SBNO1: variants seen among roughly 807,000 people sequenced by gnomAD.
SBNO1 encodes the protein strawberry notch homolog 1.
A neutral mutation model predicts 173.6 loss-of-function variants in SBNO1; 23 were observed. The observed-to-expected ratio is 0.13, with a 90% CI of 0.10 to 0.19. SBNO1 has a LOEUF of 0.19. Among genes scored for constraint, SBNO1 ranks in the 10% least tolerant of loss-of-function variants. SBNO1 has a pLI of 1.00. For synonymous variants in SBNO1, 632 were observed against 571.5 expected, an observed-to-expected ratio of 1.11 and a Z score of -1.51; for missense variants, 1,238 against 1,671.2, an observed-to-expected ratio of 0.74 and a Z score of 4.52.
chr12:123,363,204 G>A (rs1326435467), intron 1 of SBNO1, among the ~76,000 whole-genome samples: 1 of 152,078 alleles, frequency 6.6e-6, no homozygotes, highest in Non-Finnish European at 1.5e-5. Flanking sequence ...GAAAAATTTT[G>A]GAAACAACTT....
At chr12:123,311,712 CTATCTATCTA>C (rs548286566) in intron 24 of SBNO1, among the ~76,000 whole-genome samples, 3,779 of 68,690 alleles carry the variant, frequency 0.055, 59 homozygotes, top group South Asian at 0.086. Flanking sequence ...ATCTATCTAT[CTATCTATCTA>C]TATATATATA....
At chr12:123,332,341 G>C (rs2139008091) in intron 7 of SBNO1, among the ~76,000 whole-genome samples, 1 of 151,864 alleles carries the variant, frequency 6.6e-6, no homozygotes, top group African/African-American at 2.4e-5. Context: ...GCCCAGGCTA[G>C]AGTGCAATGG....
At chr12:123,314,669 G>C (rs1007423162) in intron 23 of SBNO1, among the ~76,000 whole-genome samples, 15 of 148,642 alleles carry the variant, frequency 1.0e-4, no homozygotes, top group African/African-American at 3.0e-4. Context: ...ACAGAGTCTT[G>C]CCCTATTGCC....
At chr12:123,325,071 A>G (rs1353326420) in intron 15 of SBNO1, among the ~76,000 whole-genome samples, 1 of 152,168 alleles carries the variant, frequency 6.6e-6, no homozygotes, top group Non-Finnish European at 1.5e-5. Context: ...TTGGCCTCCC[A>G]AAGTGCTGAG....
chr12:123,337,068 G>A (rs571979546), intron 5 of SBNO1, among the ~76,000 whole-genome samples: 2 of 152,268 alleles, frequency 1.3e-5, no homozygotes, highest in African/African-American at 4.8e-5. Flanking sequence ...ATGAAGAACA[G>A]AAAAATTTAC....
At chr12:123,348,505 G>A (rs765568834) in intron 2 of SBNO1, among the ~76,000 whole-genome samples, 14 of 152,214 alleles carry the variant, frequency 9.2e-5, no homozygotes, top group African/African-American at 1.2e-4. Context: ...AGTGGCTCAC[G>A]CCTGTAATCC....
At chr12:123,331,208 G>A in intron 8 of SBNO1, 34 bp downstream of exon 8, 1 of 1,606,184 alleles carries the variant, frequency 6.2e-7, no homozygotes, top group Non-Finnish European at 8.5e-7. Context: ...GTGATCCGCT[G>A]CGCCTGGCCC....
At chr12:123,362,760 C>A (rs147891808) in intron 1 of SBNO1, among the ~76,000 whole-genome samples, 4 of 86,256 alleles carry the variant, frequency 4.6e-5, no homozygotes, top group Non-Finnish European at 6.2e-5. Flanking sequence ...CACAGCAAGA[C>A]TCCGCCTCAA....
chr12:123,341,249 G>A (rs1010650558), intron 4 of SBNO1, among the ~76,000 whole-genome samples, 161 bp from the exon 5 acceptor site: 4 of 152,094 alleles, frequency 2.6e-5, no homozygotes, highest in African/African-American at 9.7e-5. Context: ...AGGAGTTCAA[G>A]ACCAGCCTGG....
chr12:123,350,597 AAT>A (rs1873762796), intron 1 of SBNO1, among the ~76,000 whole-genome samples, 156 bp from the exon 2 acceptor site: 1 of 152,260 alleles, frequency 6.6e-6, no homozygotes, highest in Non-Finnish European at 1.5e-5. Context: ...ATAAAAGAGA[AAT>A]AGTCTTGGAT....
At chr12:123,315,788 A>G in intron 21 of SBNO1, 128 bp from the exon 22 acceptor site, 1 of 607,044 alleles carries the variant, frequency 1.6e-6, no homozygotes, top group Admixed American at 2.9e-5. Context: ...AATTACAGAT[A>G]ATGTAAAATT....
intron 8 of SBNO1, 137 bp from the exon 9 acceptor site, chr12:123,330,646 CA>C (rs11346455): frequency 1 from 565,942 of 565,968 alleles, 282,958 homozygotes; most frequent in Middle Eastern, 1. Flanking sequence ...CTCATTAAAA[CA>C]CCATCCCACT....
intron 4 of SBNO1, among the ~76,000 whole-genome samples, chr12:123,344,694 CA>C (rs2139052636): frequency 6.6e-6 from 1 of 152,178 alleles, no homozygotes; most frequent in South Asian, 2.1e-4. Context: ...ATTAAAAATA[CA>C]AAAATTAGCT....
At position 123,364,685 on chromosome 12, in the gene SBNO1, C is replaced by T. The variant is rs904456278; in HGVS notation, c.-1+16G>A. ...GGGGAGTGTGGAAGGAGAAAAGGGC[C>T]AAGGGAAGGACTTACTTTCCCCGCG... is the stretch of plus-strand genomic sequence containing the variant. On this transcript the variant is annotated intron_variant, in intron 1 of 31. Transcript: ENST00000602398. The T allele has an allele frequency of 1.2e-5, 12 of 979,908 alleles. No individual in the cohort carries two copies. Among genetic ancestry groups the T allele is most frequent in the Non-Finnish European group, 1.4e-5 (12 of 827,626 alleles). 60.7% of individuals were successfully genotyped at this position (979,908 alleles called of 1,614,324 possible).
rs56718635 is a variant in SBNO1 at position 123,311,720 on chromosome 12, CTATATATATATATATA to C, written c.3221-607_3221-592del. 2.0e-3 allele frequency among the ~76,000 whole-genome samples: 250 copies of C among 127,446 alleles called. 3 individuals carry two copies. The highest frequency in any genetic ancestry group is 7.1e-3 in the African/African-American group (224 of 31,516). 83.6% of individuals were successfully genotyped at this position (127,446 alleles called of 152,430 possible). A position where few individuals can be genotyped will look rare whatever the true frequency, so the allele number is the denominator to read the frequency against. On this transcript the variant is annotated intron_variant, in intron 24 of 31. Transcript: ENST00000602398. ...TCTATCTATCTATCTATCTATCTAT[CTATATATATATATATA>C]TATATATATATATTTTTGCGACAGA...
chr12:123,364,411 G>A, intron 1 of SBNO1: 1 of 985,476 alleles, frequency 1.0e-6, no homozygotes, highest in Non-Finnish European at 1.2e-6. Context: ...GGGTGCCTCC[G>A]GCCCGGGACA....
chr12:123,321,001 G>C (rs1040290425), intron 17 of SBNO1, 135 bp from the exon 18 acceptor site: 3 of 649,558 alleles, frequency 4.6e-6, no homozygotes, highest in Non-Finnish European at 7.4e-6. Flanking sequence ...GTGCAATGGC[G>C]CAATCTCAGC....
Position 123,364,760 on chromosome 12 carries a change from C to A in SBNO1, c.-60G>T. 1 of 989,382 alleles carries A rather than the reference C, an allele frequency of 1.0e-6. No homozygotes were observed. Among genetic ancestry groups the A allele is most frequent in the South Asian group, 4.5e-5 (1 of 22,078 alleles). 61.3% of individuals were successfully genotyped at this position (989,382 alleles called of 1,614,324 possible). A position where few individuals can be genotyped will look rare whatever the true frequency, so the allele number is the denominator to read the frequency against. On this transcript the variant is annotated 5_prime_UTR_variant, in exon 1 of 32. Transcript: ENST00000602398. ...CCCGGGAGGTGTGAGTTTGAAGGAC[C>A]AGAGGCGACTGGAGCGGAGGCGGCG...
chr12:123,360,716 T>C (rs987999199), intron 1 of SBNO1, among the ~76,000 whole-genome samples: 1 of 152,018 alleles, frequency 6.6e-6, no homozygotes, highest in African/African-American at 2.4e-5. Context: ...AGTGCTGGGA[T>C]TACAGGCGTG....
Sources: allele counts gnomAD v4.1 joint callset (sites outside exome capture counted in the v4.1 genomes callset), GRCh38; gene constraint gnomAD v4.1.1; transcripts MANE v1.5; gene names NCBI Gene and HGNC (gene_info 2026-07-23, HGNC 2026-07-21).